CNTNAP5: variants seen among roughly 807,000 people sequenced by gnomAD.
CNTNAP5 encodes the protein contactin associated protein family member 5.
In CNTNAP5, 72 loss-of-function variants were observed where a neutral mutation model predicts 150.2. That is an observed-to-expected ratio of 0.48 (90% CI 0.40 to 0.58). The LOEUF is 0.58. Among genes scored for constraint, CNTNAP5 ranks in the 20% least tolerant of loss-of-function variants. The probability of loss-of-function intolerance (pLI) is 0.00; values close to 1 mark genes in which losing one functional copy is unlikely to be tolerated. For missense variants in CNTNAP5, 1,636 were observed against 1,626.2 expected, an observed-to-expected ratio of 1.01 and a Z score of -0.10; for synonymous variants, 672 against 619.8, an observed-to-expected ratio of 1.08 and a Z score of -1.25.
At chr2:124,806,507 TTCTG>T (rs1300576435) in intron 19 of CNTNAP5, among the ~76,000 whole-genome samples, 1 of 152,194 alleles carries the variant, frequency 6.6e-6, no homozygotes, top group Non-Finnish European at 1.5e-5. Flanking sequence ...AGAGCTGGCA[TTCTG>T]TGGCTCTACG....
chr2:124,232,313 T>C (rs1400541022), intron 2 of CNTNAP5, among the ~76,000 whole-genome samples: 5 of 152,208 alleles, frequency 3.3e-5, no homozygotes, highest in Non-Finnish European at 5.9e-5. Context: ...AAATAAGCTA[T>C]GTTCAGCTGG....
chr2:124,296,088 T>C (rs2104640047), intron 3 of CNTNAP5, among the ~76,000 whole-genome samples: 1 of 152,352 alleles, frequency 6.6e-6, no homozygotes, highest in African/African-American at 2.4e-5. Context: ...CTTTTTTATA[T>C]GTATATCTTA....
At chr2:124,305,548 T>A (rs1367249) in intron 3 of CNTNAP5, among the ~76,000 whole-genome samples, 49,010 of 152,078 alleles carry the variant, frequency 0.32, 8,166 homozygotes, top group Non-Finnish European at 0.36. Context: ...CTTGATTGTG[T>A]CCTTAAAGTT....
intron 1 of CNTNAP5, among the ~76,000 whole-genome samples, chr2:124,180,259 G>C (rs1312485742): frequency 6.6e-6 from 1 of 152,122 alleles, no homozygotes; most frequent in Non-Finnish European, 1.5e-5. Context: ...AAAGATTTTA[G>C]GCCAACATCA....
intron 13 of CNTNAP5, among the ~76,000 whole-genome samples, chr2:124,739,019 T>C (rs962112126): frequency 1.3e-5 from 2 of 152,192 alleles, no homozygotes; most frequent in Non-Finnish European, 2.9e-5. Flanking sequence ...CATCTCTTTG[T>C]CTAACCATGA....
At chr2:124,386,297 G>A (rs976437315) in intron 3 of CNTNAP5, among the ~76,000 whole-genome samples, 6 of 152,158 alleles carry the variant, frequency 3.9e-5, no homozygotes, top group African/African-American at 9.7e-5. Flanking sequence ...TGCAATACAG[G>A]TTTCCTATAA....
At chr2:124,313,255 A>ATTTGT (rs201565933) in intron 3 of CNTNAP5, among the ~76,000 whole-genome samples, 6,886 of 152,184 alleles carry the variant, frequency 0.045, 226 homozygotes, top group Non-Finnish European at 0.071. Context: ...GAGTGGTTAG[A>ATTTGT]TTTGTTTTGT....
intron 1 of CNTNAP5, among the ~76,000 whole-genome samples, chr2:124,136,239 G>A (rs1241541659): frequency 6.6e-6 from 1 of 152,112 alleles, no homozygotes; most frequent in Non-Finnish European, 1.5e-5. Context: ...CTTGAGAAAT[G>A]GCTTCATGCT....
chr2:124,869,307 C>T (rs1677695665), intron 20 of CNTNAP5, among the ~76,000 whole-genome samples: 1 of 152,058 alleles, frequency 6.6e-6, no homozygotes, highest in Non-Finnish European at 1.5e-5. Context: ...AAAATGAGTT[C>T]CTGCTTCCTA....
At chr2:124,080,161 C>T (rs2104673586) in intron 1 of CNTNAP5, among the ~76,000 whole-genome samples, 1 of 152,174 alleles carries the variant, frequency 6.6e-6, no homozygotes, top group East Asian at 1.9e-4. Flanking sequence ...TAGCATTTTC[C>T]TTACATTTAT....
intron 1 of CNTNAP5, among the ~76,000 whole-genome samples, chr2:124,068,168 A>G (rs1682211333): frequency 6.6e-6 from 1 of 151,762 alleles, no homozygotes; most frequent in Non-Finnish European, 1.5e-5. Flanking sequence ...CTTTCTTCAT[A>G]TGGTTGGAAG....
At chr2:124,795,530 TTTTG>T (rs1681826628) in intron 18 of CNTNAP5, among the ~76,000 whole-genome samples, 1 of 152,072 alleles carries the variant, frequency 6.6e-6, no homozygotes, top group South Asian at 2.1e-4. Context: ...TTTTGTTTTG[TTTTG>T]TTTGACAGAG....
chr2:124,033,390 G>A (rs1681116975), intron 1 of CNTNAP5, among the ~76,000 whole-genome samples: 1 of 152,180 alleles, frequency 6.6e-6, no homozygotes, highest in Non-Finnish European at 1.5e-5. Flanking sequence ...GTAGGTATTA[G>A]TCTAGGCCAC....
intron 10 of CNTNAP5, 90 bp downstream of exon 10, chr2:124,527,546 A>C (rs1573437586): frequency 9.6e-7 from 1 of 1,041,526 alleles, no homozygotes. Context: ...ATTCTAATCC[A>C]CCGACATTAG....
At chr2:124,190,866 A>G (rs1276594749) in intron 1 of CNTNAP5, among the ~76,000 whole-genome samples, 6 of 152,136 alleles carry the variant, frequency 3.9e-5, no homozygotes, top group Admixed American at 1.3e-4. Context: ...TATTTTCTCA[A>G]CTTTTGTTTA....
chr2:124,326,773 A>C (rs1689229109), intron 3 of CNTNAP5, among the ~76,000 whole-genome samples: 1 of 151,954 alleles, frequency 6.6e-6, no homozygotes, highest in South Asian at 2.1e-4. Flanking sequence ...AAATAAATAA[A>C]TATACAACTA....
At chr2:124,599,110 C>T (rs550816213) in intron 11 of CNTNAP5, among the ~76,000 whole-genome samples, 223 of 152,256 alleles carry the variant, frequency 1.5e-3, no homozygotes, top group African/African-American at 4.9e-3. Context: ...TCTTCTGCGT[C>T]GCTCACGCTG....
Position 124,338,266 on chromosome 2 carries a change from G to T in CNTNAP5, c.382-79177G>T, listed in dbSNP as rs556499328. 7.2e-5 allele frequency among the ~76,000 whole-genome samples: 11 copies of T among 152,244 alleles called. No individual in the cohort carries two copies. The East Asian group carries it at 1.9e-3, about 27-fold the overall frequency. ...GCTTATCAGCTTAAGGAGATTTTGG[G>T]CTGAGACGATGGCATTTTCTAGATA... On this transcript the variant is annotated intron_variant, in intron 3 of 23. Transcript: ENST00000682447.
intron 11 of CNTNAP5, among the ~76,000 whole-genome samples, chr2:124,588,427 A>G (rs557055001): frequency 6.6e-6 from 1 of 151,980 alleles, no homozygotes; most frequent in East Asian, 2.0e-4. Context: ...GAGTATGCCA[A>G]TTGTCGTCGG....
Sources: gnomAD v4.1 joint callset for allele counts (sites outside exome capture counted in the v4.1 genomes callset) on GRCh38, gnomAD v4.1.1 for gene constraint, MANE v1.5 for transcripts, NCBI Gene and HGNC (gene_info 2026-07-23, HGNC 2026-07-21) for gene names.